The following COL4A3 variants were observed in gnomAD, a reference collection of about 807,000 sequenced individuals.
The protein encoded by COL4A3 is collagen alpha-3(IV) chain.
Under a neutral mutation model 217.4 loss-of-function variants are expected in COL4A3, and 135 were observed. The observed-to-expected ratio is 0.62, with a 90% CI of 0.54 to 0.72. The LOEUF (loss-of-function observed/expected upper bound fraction) is 0.72, where lower values mean the gene tolerates loss of function less well. Ranked by LOEUF, COL4A3 falls within the 30% of genes least tolerant of loss-of-function variation. COL4A3 has a pLI of 0.00. For synonymous variants in COL4A3, 690 were observed against 736.3 expected (o/e 0.94, Z 1.02); for missense variants, 1,868 against 2,119.9 (o/e 0.88, Z 2.33).
intron 23 of COL4A3, 138 bp downstream of exon 23, chr2:227,267,226 CT>C (rs1215571386): frequency 2.8e-6 from 2 of 712,620 alleles, no homozygotes; most frequent in African/African-American, 3.5e-5. Flanking sequence ...AACATATATT[CT>C]ATTAACATAA....
intron 26 of COL4A3, 104 bp from the exon 27 acceptor site, chr2:227,276,281 T>A: frequency 1.2e-6 from 1 of 859,286 alleles, no homozygotes. Context: ...TATTTTTTAT[T>A]TTTTGGGGAT....
rs78183516 is a variant in COL4A3 at position 227,306,432 on chromosome 2, G to A, written c.4253-1278G>A. On this transcript the variant is annotated intron_variant, in intron 47 of 51. Transcript: ENST00000396578. ...CACTTCCCAATTCCTGTGCAGAGAT[G>A]AGGAGACATCTTTTGTTTGGGGCCA... 1.6e-4 allele frequency among the ~76,000 whole-genome samples: 24 copies of A among 152,304 alleles called. No homozygotes were observed. In the East Asian group the frequency reaches 2.5e-3, roughly 16 times the overall value.
At chr2:227,167,603 G>A (rs1356684071) in intron 1 of COL4A3, among the ~76,000 whole-genome samples, 1 of 152,200 alleles carries the variant, frequency 6.6e-6, no homozygotes, top group Non-Finnish European at 1.5e-5. Flanking sequence ...GCAGCAATAT[G>A]AGAAGCAAAT....
chr2:227,305,847 A>C (rs981464643), intron 47 of COL4A3, among the ~76,000 whole-genome samples: 2 of 152,178 alleles, frequency 1.3e-5, no homozygotes, highest in African/African-American at 4.8e-5. Context: ...TCGATATCCA[A>C]ATCTTCTATT....
intron 1 of COL4A3, among the ~76,000 whole-genome samples, chr2:227,225,659 A>C (rs2068046595): frequency 6.6e-6 from 1 of 151,892 alleles, no homozygotes; most frequent in Non-Finnish European, 1.5e-5. Flanking sequence ...AATCAAGTAA[A>C]ATGGGAGCTT....
At chr2:227,247,433 T>C in intron 7 of COL4A3, 125 bp from the exon 8 acceptor site, 1 of 874,950 alleles carries the variant, frequency 1.1e-6, no homozygotes, top group Non-Finnish European at 2.0e-6. Flanking sequence ...AGACTTTGCT[T>C]TGTAAGGCCG....
rs1553757060 is a variant in COL4A3, at chr2:227,270,881, G to A, written c.1687G>A (p.Gly563Arg). 1.2e-6 allele frequency: 2 copies of A among 1,614,168 alleles called. No homozygotes were observed. Among genetic ancestry groups the A allele is most frequent in the Non-Finnish European group, 1.7e-6 (2 of 1,180,028 alleles). Residue 563 changes from glycine (G) to arginine (R), a missense_variant, in exon 25 of 52, where the codon GGG becomes AGG. Physicochemically the swap from Gly to Arg is moderately radical, Grantham distance 125. Transcript: ENST00000396578. ...TGACCCGGGGCTCAGAGGCCAACCT[G>A]GGAGAAAGGGCTTGGATGGAATTCC... ...PGDPGLRGQP[G>R]RKGLDGIPGT...
At chr2:227,289,893 G>T (rs144441960) in intron 35 of COL4A3, 106 bp from the exon 36 acceptor site, 2 of 1,102,026 alleles carry the variant, frequency 1.8e-6, no homozygotes, top group South Asian at 2.7e-5. Context: ...AAACCAGCCG[G>T]TCTGGCTGTT....
At chr2:227,274,169 G>C (rs1283485321) in intron 26 of COL4A3, among the ~76,000 whole-genome samples, 1 of 151,972 alleles carries the variant, frequency 6.6e-6, no homozygotes, top group East Asian at 1.9e-4. Context: ...CCTGGAAGGT[G>C]GAGGTTGCAG....
intron 1 of COL4A3, among the ~76,000 whole-genome samples, chr2:227,225,709 C>CTTT (rs71829862): frequency 9.4e-4 from 118 of 126,194 alleles, no homozygotes; most frequent in Middle Eastern, 4.2e-3. Flanking sequence ...CTTTTTCTTT[C>CTTT]TTTTTTTTTT....
rs1441120578 is a variant in COL4A3 at position 227,311,768 on chromosome 2, G to A, written c.4929-18G>A. The A allele has an allele frequency of 6.2e-7, 1 of 1,607,056 alleles. No individual in the cohort carries two copies. Among genetic ancestry groups the A allele is most frequent in the East Asian group, 2.2e-5 (1 of 44,814 alleles). ...TATGCATAAATAAATGAATTTTTTT[G>A]GTTTGTTTTTATTTCAGAAAGCCTA... On this transcript the variant is annotated intron_variant, in intron 51 of 51. Coordinates refer to ENST00000396578, the MANE Select transcript of COL4A3 (RefSeq NM_000091.5).
At chr2:227,176,763 T>C (rs1438265735) in intron 1 of COL4A3, among the ~76,000 whole-genome samples, 6 of 152,218 alleles carry the variant, frequency 3.9e-5, no homozygotes, top group East Asian at 3.8e-4. Context: ...AAGTGGGAAG[T>C]TGGCAAATCT....
intron 7 of COL4A3, 30 bp downstream of exon 7, chr2:227,246,768 A>G (rs773953946): frequency 6.4e-7 from 1 of 1,573,914 alleles, no homozygotes; most frequent in Non-Finnish European, 8.7e-7. Context: ...TCCCCAACAA[A>G]GACATAAAGT....
In COL4A3 at chr2:227,202,954, C is replaced by CATATGTGT. The variant is rs1559820292; in HGVS notation, c.88-35010_88-35009insGTGTATAT. On this transcript the variant is annotated intron_variant, in intron 1 of 51. Transcript: ENST00000396578. ...ATATGTGTATATATGTGTATATATA[C>CATATGTGT]ATATATGTGTATATATGTGTATATA... Among the ~76,000 whole-genome samples the CATATGTGT allele has an allele frequency of 3.9e-4, 5 of 12,850 alleles. 1 individual carries two copies. In the East Asian group the frequency reaches 6.8e-3, roughly 17 times the overall value. The allele number at this position is 12,850 out of a possible 152,430, so 8.4% of individuals were successfully genotyped here. A position where few individuals can be genotyped will look rare whatever the true frequency, so the allele number is the denominator to read the frequency against.
At chr2:227,188,924 G>A (rs947211686) in intron 1 of COL4A3, among the ~76,000 whole-genome samples, 2 of 152,186 alleles carry the variant, frequency 1.3e-5, no homozygotes, top group African/African-American at 4.8e-5. Context: ...ATAGGACAGG[G>A]ATGCAATGAC....
At chr2:227,287,125 T>C (rs2106190058) in intron 34 of COL4A3, among the ~76,000 whole-genome samples, 1 of 152,320 alleles carries the variant, frequency 6.6e-6, no homozygotes, top group South Asian at 2.1e-4. Flanking sequence ...GCTTTTGTTT[T>C]TAACAACCTT....
intron 19 of COL4A3, chr2:227,260,128 T>A (rs2070458123): frequency 1.5e-6 from 1 of 645,826 alleles, no homozygotes; most frequent in South Asian, 1.4e-5. Flanking sequence ...CATGGAAACA[T>A]TTGCTGGAGG....
At chr2:227,248,819 T>G (rs1380973002) in intron 9 of COL4A3, among the ~76,000 whole-genome samples, 1 of 152,158 alleles carries the variant, frequency 6.6e-6, no homozygotes, top group Non-Finnish European at 1.5e-5. Context: ...GGAATAGTTA[T>G]GTACCACTTA....
chr2:227,164,758 TGCTCCTGCTGCC>T lies in COL4A3; in HGVS notation c.43_54del (p.Pro15_Leu18del), dbSNP rs570469692. 3.1e-4 allele frequency: 467 copies of T among 1,524,716 alleles called. 1 individual carries two copies. The African/African-American group carries it at 4.5e-3, about 15-fold the overall frequency. 94.4% of individuals were successfully genotyped at this position (1,524,716 alleles called of 1,614,324 possible). A position where few individuals can be genotyped will look rare whatever the true frequency, so the allele number is the denominator to read the frequency against. ...GCCCGGACCGCCCCCAGGCCGCAGGTGCTCCTGCTGCCGCTCCTGCTGGTGCTCCTGGCGGCG... is the reference window on the plus strand; with the variant it reads ...GCCCGGACCGCCCCCAGGCCGCAGGTGCTCCTGCTGGTGCTCCTGGCGGCG... On this transcript the variant is annotated inframe_deletion, in exon 1 of 52. Transcript: ENST00000396578. The surrounding 1 kb of genome is among the most constrained non-coding windows in gnomAD (Gnocchi z 4.8).
Sources: gnomAD v4.1 joint callset for allele counts (sites outside exome capture counted in the v4.1 genomes callset) on GRCh38, gnomAD v4.1.1 for gene constraint, Gnocchi (gnomAD v3.1) non-coding constraint, MANE v1.5 for transcripts, NCBI Gene and HGNC (gene_info 2026-07-23, HGNC 2026-07-21) for gene names.